Variants in PRDM6 observed in about 807,000 individuals in gnomAD.
The protein encoded by PRDM6 is PR/SET domain 6, also known as putative histone-lysine N-methyltransferase PRDM6.
A neutral mutation model predicts 60.8 loss-of-function variants in PRDM6; 25 were observed. The observed-to-expected ratio is 0.41, with a 90% CI of 0.30 to 0.57. PRDM6 has a LOEUF of 0.57. PRDM6 is among the 20% of genes least tolerant of loss of function. PRDM6 has a pLI of 0.27. For missense variants in PRDM6, 839 were observed against 821.3 expected (o/e 1.02, Z -0.26); for synonymous variants, 407 against 357.4 (o/e 1.14, Z -1.57).
rs1297550867 is a variant in PRDM6 at position 123,099,477 on chromosome 5, G to T, written c.593-177G>T. Among the ~76,000 whole-genome samples, 1 of 152,192 alleles carries T rather than the reference G, an allele frequency of 6.6e-6. No homozygotes were observed. The highest frequency in any genetic ancestry group is 1.5e-5 in the Non-Finnish European group (1 of 68,030). ...GGCGAATTCCAAGGGAGCGGCGCGG[G>T]TTCTCTTCTCCTCCTCCTCTGAGTT... On this transcript the variant is annotated intron_variant, in intron 2 of 7. Transcript: ENST00000407847. The surrounding 1 kb of genome is among the most constrained non-coding windows in gnomAD (Gnocchi z 4.0).
At chr5:123,109,279 C>G (rs1344840123) in intron 3 of PRDM6, among the ~76,000 whole-genome samples, 2 of 152,060 alleles carry the variant, frequency 1.3e-5, no homozygotes, top group African/African-American at 4.8e-5. Flanking sequence ...ATTAGTGAAA[C>G]AACTTAATTT....
At chr5:123,117,409 G>A (rs1580491538) in intron 3 of PRDM6, among the ~76,000 whole-genome samples, 1 of 152,054 alleles carries the variant, frequency 6.6e-6, no homozygotes, top group African/African-American at 2.4e-5. Context: ...TTGGTTTTTG[G>A]CATTTTTTTT....
intron 2 of PRDM6, among the ~76,000 whole-genome samples, chr5:123,095,589 C>T (rs1313032709): frequency 6.6e-6 from 1 of 152,242 alleles, no homozygotes; most frequent in Non-Finnish European, 1.5e-5. Flanking sequence ...GGCGCCGGCC[C>T]CTCGGGTCTC....
Position 123,187,559 on chromosome 5 carries a change from A to G in PRDM6, c.*358A>G. The G allele has an allele frequency of 4.9e-6, 1 of 203,646 alleles. No individual in the cohort carries two copies. The highest frequency in any genetic ancestry group is 1.0e-5 in the Non-Finnish European group (1 of 98,490). 12.6% of individuals were successfully genotyped at this position (203,646 alleles called of 1,614,324 possible). A position where few individuals can be genotyped will look rare whatever the true frequency, so the allele number is the denominator to read the frequency against. On this transcript the variant is annotated 3_prime_UTR_variant, in exon 8 of 8. Transcript: ENST00000407847. ...GGTTCTTCTGCCCACCGTTGTGACT[A>G]AGAATGCACAGGGACTTGGTTCTCG...
intron 3 of PRDM6, among the ~76,000 whole-genome samples, chr5:123,103,275 ATAAT>A (rs1260267382): frequency 1.3e-5 from 2 of 152,040 alleles, no homozygotes; most frequent in South Asian, 2.1e-4. Context: ...TAAAAGCCAA[ATAAT>A]TAGTCATTTA....
At chr5:123,169,941 C>T (rs1311143477) in intron 5 of PRDM6, among the ~76,000 whole-genome samples, 1 of 152,174 alleles carries the variant, frequency 6.6e-6, no homozygotes, top group African/African-American at 2.4e-5. Context: ...ACTTGGTTGC[C>T]TCCTACTCTT....
chr5:123,193,440 G>A lies in PRDM6; in HGVS notation c.*6239G>A, dbSNP rs1766468416. On this transcript the variant is annotated 3_prime_UTR_variant, in exon 8 of 8. Coordinates refer to ENST00000407847, the MANE Select transcript of PRDM6 (RefSeq NM_001136239.4). ...ACAGTCCCTGTTGATCCACATGTGGGCATTGTCTAATGTTAACAAAATCAG... is the reference window on the plus strand; with the variant it reads ...ACAGTCCCTGTTGATCCACATGTGGACATTGTCTAATGTTAACAAAATCAG... 1 of 152,256 alleles carries A rather than the reference G, an allele frequency of 6.6e-6. No homozygotes were observed. The highest frequency in any genetic ancestry group is 2.4e-5 in the African/African-American group (1 of 41,544). The allele number at this position is 152,256 out of a possible 1,614,324, so 9.4% of individuals were successfully genotyped here.
intron 3 of PRDM6, among the ~76,000 whole-genome samples, chr5:123,147,271 A>T (rs1765261227): frequency 1.5e-5 from 2 of 132,582 alleles, no homozygotes; most frequent in African/African-American, 6.1e-5. Context: ...ATTAACACTG[A>T]TACTAAAAAG....
At chr5:123,123,933 A>G (rs1219846050) in intron 3 of PRDM6, among the ~76,000 whole-genome samples, 3 of 152,104 alleles carry the variant, frequency 2.0e-5, no homozygotes, top group Non-Finnish European at 4.4e-5. Context: ...GAGCTGGGGT[A>G]TTTGAATATT....
At chr5:123,180,660 G>A (rs1178269583) in intron 7 of PRDM6, among the ~76,000 whole-genome samples, 1 of 152,066 alleles carries the variant, frequency 6.6e-6, no homozygotes, top group Non-Finnish European at 1.5e-5. Flanking sequence ...TTTTATCTAG[G>A]AGCGACACAG....
intron 7 of PRDM6, among the ~76,000 whole-genome samples, chr5:123,182,887 G>A (rs1333867092): frequency 6.6e-6 from 1 of 151,844 alleles, no homozygotes; most frequent in Non-Finnish European, 1.5e-5. Flanking sequence ...TTTTGAAAGT[G>A]CAAGATTTAA....
intron 3 of PRDM6, among the ~76,000 whole-genome samples, chr5:123,107,897 G>A (rs1764230179): frequency 6.6e-6 from 1 of 152,178 alleles, no homozygotes; most frequent in South Asian, 2.1e-4. Context: ...TTGTAAAACT[G>A]ACTACTTAGA....
chr5:123,136,252 A>G (rs1764946726), intron 3 of PRDM6, among the ~76,000 whole-genome samples: 2 of 152,214 alleles, frequency 1.3e-5, no homozygotes, highest in African/African-American at 4.8e-5. Context: ...GACTATGATC[A>G]TATGACTACA....
chr5:123,147,186 G>A (rs1213018739), intron 3 of PRDM6, among the ~76,000 whole-genome samples: 1 of 151,910 alleles, frequency 6.6e-6, no homozygotes, highest in Non-Finnish European at 1.5e-5. Flanking sequence ...ATTAAAGATA[G>A]ATTTTTAAAG....
chr5:123,106,559 G>C (rs1356757407), intron 3 of PRDM6, among the ~76,000 whole-genome samples: 1 of 152,224 alleles, frequency 6.6e-6, no homozygotes, highest in Non-Finnish European at 1.5e-5. Context: ...TTCCAAAACT[G>C]TAACAGGGAT....
chr5:123,178,855 C>T (rs891633330), intron 6 of PRDM6, among the ~76,000 whole-genome samples: 11 of 152,152 alleles, frequency 7.2e-5, no homozygotes, highest in Non-Finnish European at 1.2e-4. Context: ...CCATTGTCTC[C>T]CGGCCCTTCA....
At chr5:123,172,049 A>G (rs762368161) in intron 6 of PRDM6, among the ~76,000 whole-genome samples, 8 of 152,192 alleles carry the variant, frequency 5.3e-5, no homozygotes, top group Non-Finnish European at 1.0e-4. Flanking sequence ...AAGCTGGGGT[A>G]GGAGACTTGG....
rs1393959018 is a variant in PRDM6 at position 123,090,258 on chromosome 5, A to T, written c.244A>T (p.Thr82Ser). 6.7e-7 allele frequency: 1 copy of T among 1,485,580 alleles called. No homozygotes were observed. Among genetic ancestry groups the T allele is most frequent in the Non-Finnish European group, 8.9e-7 (1 of 1,118,120 alleles). The allele number at this position is 1,485,580 out of a possible 1,614,324, so 92.0% of individuals were successfully genotyped here. ...RPASLSSASS[T>S]PASSSTSASS... ...CGCCTCTCTCTCCTCCGCCTCGTCC[A>T]CGCCGGCTTCCTCTTCCACCTCCGC... Residue 82 changes from threonine to serine, a missense_variant, in exon 2 of 8, where the codon ACG becomes TCG. Physicochemically the swap from Thr to Ser is moderately conservative, Grantham distance 58 (BLOSUM62 1). Around this residue, in one of 2 missense-constraint regions of PRDM6, gnomAD observed 730 missense variants for 648.8 expected, o/e 1.13. Transcript: ENST00000407847.
At chr5:123,089,634 A>C in intron 1 of PRDM6, 115 bp downstream of exon 1, 1 of 223,984 alleles carries the variant, frequency 4.5e-6, no homozygotes. Flanking sequence ...GCCTGAGGCC[A>C]ACGCGGCTCG....
Sources: allele counts gnomAD v4.1 joint callset (sites outside exome capture counted in the v4.1 genomes callset), GRCh38; gene constraint gnomAD v4.1.1; regional missense constraint gnomAD v4.1.1; non-coding constraint Gnocchi (gnomAD v3.1); transcripts MANE v1.5; gene names NCBI Gene and HGNC (gene_info 2026-07-23, HGNC 2026-07-21).